Variants in ANTXR1 observed in about 807,000 individuals in gnomAD.
ANTXR1 encodes the protein anthrax toxin receptor 1.
Under a neutral mutation model 78.1 loss-of-function variants are expected in ANTXR1, and 19 were observed. The observed-to-expected ratio is 0.24, with a 90% CI of 0.17 to 0.36. The LOEUF (loss-of-function observed/expected upper bound fraction) is 0.36, where lower values mean the gene tolerates loss of function less well. Ranked by LOEUF, ANTXR1 falls within the 10% of genes least tolerant of loss-of-function variation. ANTXR1 has a pLI of 1.00. For missense variants in ANTXR1, 518 were observed against 718.6 expected (o/e 0.72, Z 3.19); for synonymous variants, 273 against 260.5 (o/e 1.05, Z -0.46).
intron 1 of ANTXR1, among the ~76,000 whole-genome samples, chr2:69,030,967 G>A (rs891686436): frequency 6.6e-6 from 1 of 152,190 alleles, no homozygotes; most frequent in African/African-American, 2.4e-5. Flanking sequence ...ACTATGGCCT[G>A]CAGCCTGTTT....
intron 1 of ANTXR1, among the ~76,000 whole-genome samples, chr2:69,034,969 T>C (rs1425987188): frequency 6.6e-6 from 1 of 152,172 alleles, no homozygotes; most frequent in African/African-American, 2.4e-5. Context: ...CACTTAGGTC[T>C]TCAGGATTGA....
At chr2:69,144,751 A>G (rs1045179783) in intron 12 of ANTXR1, among the ~76,000 whole-genome samples, 3 of 152,246 alleles carry the variant, frequency 2.0e-5, no homozygotes, top group African/African-American at 7.2e-5. Flanking sequence ...GCATCCAAGT[A>G]TCTTCAGTGG....
At chr2:69,197,457 G>A (rs888192256) in intron 17 of ANTXR1, among the ~76,000 whole-genome samples, 39 of 152,156 alleles carry the variant, frequency 2.6e-4, no homozygotes, top group African/African-American at 8.0e-4. Flanking sequence ...CTCTGAGCAC[G>A]TGGAATTAAT....
chr2:69,150,759 C>T (rs1353151767), intron 12 of ANTXR1, among the ~76,000 whole-genome samples: 1 of 151,966 alleles, frequency 6.6e-6, no homozygotes, highest in Non-Finnish European at 1.5e-5. Flanking sequence ...TGGCTCACAC[C>T]TATAGTCCCA....
chr2:69,205,189 G>C (rs1291610195), intron 17 of ANTXR1, among the ~76,000 whole-genome samples: 1 of 152,128 alleles, frequency 6.6e-6, no homozygotes, highest in African/African-American at 2.4e-5. Context: ...GGGCATCAGG[G>C]CATACTTCCA....
chr2:69,123,609 T>C (rs1033288625), intron 11 of ANTXR1, among the ~76,000 whole-genome samples: 1 of 152,212 alleles, frequency 6.6e-6, no homozygotes, highest in South Asian at 2.1e-4. Flanking sequence ...ACGGTGCTCC[T>C]TCCTTGACTC....
chr2:69,077,523 A>G, intron 8 of ANTXR1, 35 bp downstream of exon 8: 1 of 1,607,936 alleles, frequency 6.2e-7, no homozygotes, highest in Non-Finnish European at 8.5e-7. Context: ...CTAGACATTC[A>G]GGCACCTTCC....
At chr2:69,173,542 G>A (rs1438737636) in intron 14 of ANTXR1, among the ~76,000 whole-genome samples, 1 of 152,206 alleles carries the variant, frequency 6.6e-6, no homozygotes, top group African/African-American at 2.4e-5. Flanking sequence ...CCCTCAGAAG[G>A]AGGAATGGAC....
intron 10 of ANTXR1, among the ~76,000 whole-genome samples, chr2:69,106,909 T>C (rs4624419): frequency 0.92 from 139,645 of 152,264 alleles, 64,193 homozygotes; most frequent in East Asian, 0.98. Flanking sequence ...GGAAAATAAA[T>C]GTGTTTAAAA....
intron 17 of ANTXR1, among the ~76,000 whole-genome samples, chr2:69,212,635 A>G (rs1305380328): frequency 6.6e-6 from 1 of 152,216 alleles, no homozygotes; most frequent in Non-Finnish European, 1.5e-5. Flanking sequence ...TGTAAACAAC[A>G]TAATACAATA....
chr2:69,149,969 G>A (rs4854551), intron 12 of ANTXR1, among the ~76,000 whole-genome samples: 48,996 of 152,144 alleles, frequency 0.32, 8,739 homozygotes, highest in South Asian at 0.52. Context: ...TCTGGCCCCT[G>A]TGCTCTCTTC....
intron 4 of ANTXR1, among the ~76,000 whole-genome samples, chr2:69,071,542 T>G (rs187572018): frequency 6.6e-6 from 1 of 152,358 alleles, no homozygotes. Flanking sequence ...GACCAAAACA[T>G]TGCTATGCAG....
intron 13 of ANTXR1, among the ~76,000 whole-genome samples, chr2:69,168,101 C>T (rs1673877268): frequency 1.3e-5 from 2 of 152,210 alleles, no homozygotes; most frequent in Admixed American, 6.5e-5. Flanking sequence ...ACACCAGCCT[C>T]CTGTCTCACT....
Position 69,245,685 on chromosome 2 carries a change from G to A in ANTXR1, c.*200G>A. The A allele has an allele frequency of 2.9e-6, 2 of 689,360 alleles. No individual in the cohort carries two copies. The highest frequency in any genetic ancestry group is 4.8e-6 in the Non-Finnish European group (2 of 418,380). The allele number at this position is 689,360 out of a possible 1,614,324, so 42.7% of individuals were successfully genotyped here. On this transcript the variant is annotated 3_prime_UTR_variant, in exon 18 of 18. Transcript: ENST00000303714. Reference sequence around the variant, plus strand: ...TAAATTGCCAGAAAACAAATGATGAGGCAACTACAGTCAGATTTATAGCCA... The same window carrying A: ...TAAATTGCCAGAAAACAAATGATGAAGCAACTACAGTCAGATTTATAGCCA...
At chr2:69,143,934 A>G (rs1673145286) in intron 12 of ANTXR1, among the ~76,000 whole-genome samples, 1 of 152,222 alleles carries the variant, frequency 6.6e-6, no homozygotes, top group African/African-American at 2.4e-5. Flanking sequence ...GAGTTAGATC[A>G]TCCCTAAGGT....
chr2:69,133,928 T>C (rs1185895343), intron 12 of ANTXR1, among the ~76,000 whole-genome samples: 2 of 152,146 alleles, frequency 1.3e-5, no homozygotes, highest in African/African-American at 4.8e-5. Flanking sequence ...TTACAGGGTG[T>C]ATGACTTTAG....
intron 10 of ANTXR1, among the ~76,000 whole-genome samples, chr2:69,108,415 G>A (rs191633434): frequency 9.9e-5 from 15 of 152,102 alleles, no homozygotes; most frequent in East Asian, 7.7e-4. Flanking sequence ...GTTCAGCAAC[G>A]ACCATTAGAA....
At chr2:69,072,937 C>G in intron 5 of ANTXR1, 85 bp from the exon 6 acceptor site, 1 of 1,355,844 alleles carries the variant, frequency 7.4e-7, no homozygotes, top group Non-Finnish European at 1.1e-6. Flanking sequence ...TGGTTGAACT[C>G]GTAAGAGGTT....
Position 69,217,773 on chromosome 2 carries a change from T to C in ANTXR1, c.1434+24358T>C, listed in dbSNP as rs1675214814. On this transcript the variant is annotated intron_variant, in intron 17 of 17. Transcript: ENST00000303714. ...TGTGTGTGAGGGGACTATTCATAGG[T>C]ACCCAGTTCAATTCTTTTTCTAGGC... Among the ~76,000 whole-genome samples the C allele has an allele frequency of 4.0e-5, 6 of 149,634 alleles. No homozygotes were observed. In the Admixed American group the frequency reaches 4.0e-4, roughly 10 times the overall value.
Sources: allele counts gnomAD v4.1 joint callset (sites outside exome capture counted in the v4.1 genomes callset), GRCh38; gene constraint gnomAD v4.1.1; transcripts MANE v1.5; gene names NCBI Gene and HGNC (gene_info 2026-07-23, HGNC 2026-07-21).